Variants in NALCN observed in about 807,000 individuals in gnomAD.
NALCN encodes the protein sodium leak channel NALCN.
In NALCN, 111 loss-of-function variants were observed where a neutral mutation model predicts 225.3. That is an observed-to-expected ratio of 0.49 (90% CI 0.42 to 0.58). The LOEUF is 0.58. Among genes scored for constraint, NALCN ranks in the 20% least tolerant of loss-of-function variants. The pLI, the probability that NALCN is intolerant of heterozygous loss-of-function variation, is 0.00. For synonymous variants in NALCN, 764 were observed against 769.0 expected (o/e 0.99, Z 0.11); for missense variants, 1,378 against 2,202.4 (o/e 0.63, Z 7.49).
At chr13:101,261,914 T>A (rs1348494178) in intron 10 of NALCN, among the ~76,000 whole-genome samples, 1 of 152,200 alleles carries the variant, frequency 6.6e-6, no homozygotes, top group African/African-American at 2.4e-5. Context: ...GGCATCCTTG[T>A]CATGTTGCAG....
chr13:101,399,127 G>A lies in NALCN; in HGVS notation c.-1C>T. The A allele has an allele frequency of 6.2e-7, 1 of 1,613,058 alleles. No homozygotes were observed. The highest frequency in any genetic ancestry group is 8.5e-7 in the Non-Finnish European group (1 of 1,179,332). On this transcript the variant is annotated 5_prime_UTR_variant, in exon 2 of 44. Transcript: ENST00000251127. The stretch of plus-strand genomic sequence containing the variant: ...TGGAACTCTGCTTCCTTTTGAGCAT[G>A]CTGAGGTTAGCTTTGGTGAGCAAGC...
At chr13:101,348,380 C>T (rs2045807175) in intron 6 of NALCN, among the ~76,000 whole-genome samples, 1 of 152,132 alleles carries the variant, frequency 6.6e-6, no homozygotes, top group Non-Finnish European at 1.5e-5. Context: ...ACTTGATAGA[C>T]AATCAATGCT....
chr13:101,354,274 T>C (rs977605389), intron 6 of NALCN, among the ~76,000 whole-genome samples: 8 of 151,964 alleles, frequency 5.3e-5, no homozygotes, highest in Non-Finnish European at 7.4e-5. Flanking sequence ...ACCCAGCGGG[T>C]AGAGGTTGCA....
chr13:101,331,095 T>C (rs900861950), intron 7 of NALCN, among the ~76,000 whole-genome samples: 4 of 152,076 alleles, frequency 2.6e-5, no homozygotes, highest in African/African-American at 9.7e-5. Context: ...TCCATGAAAC[T>C]GCAGCAAACA....
intron 3 of NALCN, among the ~76,000 whole-genome samples, chr13:101,384,796 G>C (rs564304648): frequency 3.3e-4 from 51 of 152,288 alleles, no homozygotes; most frequent in Non-Finnish European, 6.3e-4. Flanking sequence ...AATTAGGGAG[G>C]CAATTAGAAG....
At chr13:101,077,569 G>A (rs1056106771) in intron 34 of NALCN, among the ~76,000 whole-genome samples, 4 of 152,180 alleles carry the variant, frequency 2.6e-5, no homozygotes, top group African/African-American at 9.7e-5. Flanking sequence ...TTTTGCCCCT[G>A]CCCTAGAGAT....
chr13:101,157,404 C>T (rs1479846538), intron 15 of NALCN, among the ~76,000 whole-genome samples: 1 of 152,106 alleles, frequency 6.6e-6, no homozygotes, highest in Non-Finnish European at 1.5e-5. Flanking sequence ...TTACAGAAAA[C>T]ACAAGATGAG....
intron 15 of NALCN, among the ~76,000 whole-genome samples, chr13:101,153,784 A>G (rs753546408): frequency 3.3e-5 from 5 of 152,176 alleles, no homozygotes; most frequent in Non-Finnish European, 5.9e-5. Context: ...CTTTAAACCA[A>G]TCTTTTAGAA....
At chr13:101,359,765 C>T (rs1235841520) in intron 6 of NALCN, among the ~76,000 whole-genome samples, 3 of 152,158 alleles carry the variant, frequency 2.0e-5, no homozygotes, top group African/African-American at 7.2e-5. Flanking sequence ...ACAGGCTCTT[C>T]CACTTACTGA....
chr13:101,080,614 C>A (rs675859), intron 34 of NALCN, among the ~76,000 whole-genome samples: 3 of 144,672 alleles, frequency 2.1e-5, no homozygotes, highest in African/African-American at 7.5e-5. Flanking sequence ...ATTATATAAT[C>A]AATTAAATTA....
chr13:101,334,163 C>T (rs2045282260), intron 7 of NALCN, among the ~76,000 whole-genome samples: 1 of 149,696 alleles, frequency 6.7e-6, no homozygotes, highest in South Asian at 2.2e-4. Flanking sequence ...AAGGGTAAAA[C>T]ACACACAGGC....
chr13:101,415,775 C>G (rs2047925693), intron 1 of NALCN, among the ~76,000 whole-genome samples: 2 of 152,208 alleles, frequency 1.3e-5, no homozygotes, highest in Admixed American at 1.3e-4. Flanking sequence ...CCGCGGAGCC[C>G]CCGCGGAGAC....
intron 12 of NALCN, among the ~76,000 whole-genome samples, chr13:101,231,700 T>G (rs1221174629): frequency 6.6e-6 from 1 of 152,254 alleles, no homozygotes; most frequent in Non-Finnish European, 1.5e-5. Flanking sequence ...AGTTGTCTGT[T>G]AAAGATGAAT....
rs1298509803 is a variant in NALCN, at chr13:101,292,789, A to G, written c.800-423T>C. On this transcript the variant is annotated intron_variant, in intron 7 of 43. Transcript: ENST00000251127. This position sits in a 1 kb window ranked among gnomAD's most constrained non-coding sequence, Gnocchi z 4.3. ...CAAAATGAAATAAATGGGAGAACTGAGTTTCATTTGAAATCACTTTCTCAC... is the reference window on the plus strand; with the variant it reads ...CAAAATGAAATAAATGGGAGAACTGGGTTTCATTTGAAATCACTTTCTCAC... 2.0e-5 allele frequency among the ~76,000 whole-genome samples: 3 copies of G among 152,228 alleles called. No homozygotes were observed. The highest frequency in any genetic ancestry group is 7.2e-5 in the African/African-American group (3 of 41,464).
intron 22 of NALCN, 86 bp downstream of exon 22, chr13:101,107,401 T>TA: frequency 1.9e-6 from 3 of 1,597,508 alleles, no homozygotes; most frequent in Non-Finnish European, 2.6e-6. Flanking sequence ...CCATTAGGAT[T>TA]ACACGTTCCT....
At chr13:101,258,385 A>G in intron 11 of NALCN, 58 bp downstream of exon 11, 5 of 1,605,574 alleles carry the variant, frequency 3.1e-6, no homozygotes, top group Non-Finnish European at 4.3e-6. Context: ...TCTAAGAGGC[A>G]CTGTCCGCGG....
chr13:101,104,156 A>G lies in NALCN; in HGVS notation c.2889+139T>C. On this transcript the variant is annotated intron_variant, in intron 25 of 43. Transcript: ENST00000251127. The surrounding 1 kb of genome is among the most constrained non-coding windows in gnomAD (Gnocchi z 4.2). ...CATGGCCCTTATTTGCATATAATGA[A>G]CTACTCTAGAGTCCATTTAAGAATT... 4 of 899,334 alleles carry G rather than the reference A, an allele frequency of 4.4e-6. No individual in the cohort carries two copies. The highest frequency in any genetic ancestry group is 6.5e-6 in the Non-Finnish European group (4 of 620,046). 55.7% of individuals were successfully genotyped at this position (899,334 alleles called of 1,614,324 possible). A position where few individuals can be genotyped will look rare whatever the true frequency, so the allele number is the denominator to read the frequency against.
chr13:101,258,105 G>A (rs566898967), intron 11 of NALCN, among the ~76,000 whole-genome samples: 2 of 152,218 alleles, frequency 1.3e-5, no homozygotes, highest in South Asian at 4.2e-4. Context: ...ATCTGTGCCT[G>A]CTTGTACTTA....
intron 28 of NALCN, 116 bp downstream of exon 28, chr13:101,095,458 A>T: frequency 2.5e-6 from 2 of 785,236 alleles, no homozygotes; most frequent in African/African-American, 3.5e-5. Context: ...ATGACTTAAG[A>T]TCATTTTAAC....
Sources: gnomAD v4.1 joint callset for allele counts (sites outside exome capture counted in the v4.1 genomes callset) on GRCh38, gnomAD v4.1.1 for gene constraint, Gnocchi (gnomAD v3.1) non-coding constraint, MANE v1.5 for transcripts, NCBI Gene and HGNC (gene_info 2026-07-23, HGNC 2026-07-21) for gene names.